The following KIT variants were observed in gnomAD, a reference collection of about 807,000 sequenced individuals.
The protein encoded by KIT is mast/stem cell growth factor receptor Kit.
KIT carries 16 observed loss-of-function variants against 105.7 expected under a neutral mutation model. The ratio of observed to expected loss-of-function variants is 0.15; its 90% CI spans 0.10 to 0.23. The LOEUF (loss-of-function observed/expected upper bound fraction) is 0.23. Among genes scored for constraint, KIT ranks in the 10% least tolerant of loss-of-function variants. KIT has a pLI of 1.00. For synonymous variants in KIT, 438 were observed against 441.1 expected, an observed-to-expected ratio of 0.99 and a Z score of 0.09; for missense variants, 858 against 1,213.8, an observed-to-expected ratio of 0.71 and a Z score of 4.36.
chr4:54,707,033 G>C (rs964518784), intron 5 of KIT, 65 bp from the exon 6 acceptor site: 1 of 882,936 alleles, frequency 1.1e-6, no homozygotes, highest in Non-Finnish European at 1.8e-6. Flanking sequence ...CCAAGATGAG[G>C]TTCTGTTTTT....
intron 7 of KIT, among the ~76,000 whole-genome samples, chr4:54,718,312 G>A (rs990110776): frequency 4.6e-5 from 7 of 152,160 alleles, no homozygotes; most frequent in African/African-American, 1.7e-4. Flanking sequence ...TGTTGGCCAG[G>A]CTGGTCTTTC....
At position 54,723,642 on chromosome 4, in the gene KIT, A is replaced by C; in HGVS notation, c.1290A>C (p.Ala430=). ...TGAATGGCATGCTCCAATGTGTGGC[A>C]GCAGGATTCCCAGAGCCCACAATAG... ...RLVNGMLQCV[A]AGFPEPTIDW... Residue 430 remains alanine (A), a synonymous_variant, in exon 8 of 21, where the codon GCA becomes GCC. Coordinates refer to ENST00000288135, the MANE Select transcript of KIT (RefSeq NM_000222.3). 6.2e-7 allele frequency: 1 copy of C among 1,614,150 alleles called. No individual in the cohort carries two copies. Among genetic ancestry groups the C allele is most frequent in the Non-Finnish European group, 8.5e-7 (1 of 1,180,010 alleles).
chr4:54,722,909 T>C (rs1721985315), intron 7 of KIT, among the ~76,000 whole-genome samples: 1 of 146,844 alleles, frequency 6.8e-6, no homozygotes, highest in Non-Finnish European at 1.5e-5. Context: ...ATATTCACGT[T>C]CATAATATAC....
intron 4 of KIT, among the ~76,000 whole-genome samples, chr4:54,700,336 A>G (rs1410766583): frequency 2.6e-5 from 4 of 152,218 alleles, no homozygotes; most frequent in African/African-American, 4.8e-5. Flanking sequence ...GTCACTATTA[A>G]TAAAACTGTT....
At chr4:54,677,705 G>A (rs1447731690) in intron 1 of KIT, among the ~76,000 whole-genome samples, 1 of 152,174 alleles carries the variant, frequency 6.6e-6, no homozygotes, top group Non-Finnish European at 1.5e-5. Context: ...ACTTTGGCCT[G>A]GTTGAAGCCA....
rs764497394 is a variant in KIT at position 54,695,361 on chromosome 4, A to G, written c.68-151A>G. ...TATAGATGAACTTAAGACATTTTAG[A>G]CAGAACTCTCTTTTCAGCCATAAAT... is the stretch of plus-strand genomic sequence containing the variant. On this transcript the variant is annotated intron_variant, in intron 1 of 20. Coordinates refer to ENST00000288135, the MANE Select transcript of KIT (RefSeq NM_000222.3). 2.8e-4 allele frequency: 222 copies of G among 801,126 alleles called. 3 individuals are homozygous for G. Among genetic ancestry groups the G allele is most frequent in the South Asian group, 3.9e-4 (26 of 66,300 alleles). 49.6% of individuals were successfully genotyped at this position (801,126 alleles called of 1,614,324 possible). A position where few individuals can be genotyped will look rare whatever the true frequency, so the allele number is the denominator to read the frequency against.
intron 8 of KIT, among the ~76,000 whole-genome samples, chr4:54,724,916 G>A (rs1011580405): frequency 5.3e-5 from 8 of 152,164 alleles, no homozygotes; most frequent in Non-Finnish European, 8.8e-5. Flanking sequence ...AACAATGAAT[G>A]TATGTAGGTG....
rs764257194 is a variant in KIT at position 54,732,017 on chromosome 4, C to G, written c.2361+19C>G. ...CAAGAATGTAAGTGGGAGTGATTCTCTAAAGAGTTTTGTGTTTTGTTTTTT... is the reference window on the plus strand; with the variant it reads ...CAAGAATGTAAGTGGGAGTGATTCTGTAAAGAGTTTTGTGTTTTGTTTTTT... On this transcript the variant is annotated intron_variant, in intron 16 of 20. Transcript: ENST00000288135. 13 of 1,523,178 alleles carry G rather than the reference C, an allele frequency of 8.5e-6. No homozygotes were observed. In the South Asian group the frequency reaches 1.4e-4, roughly 16 times the overall value. The allele number at this position is 1,523,178 out of a possible 1,614,324, so 94.4% of individuals were successfully genotyped here.
At chr4:54,669,879 G>A (rs1251185795) in intron 1 of KIT, among the ~76,000 whole-genome samples, 1 of 152,166 alleles carries the variant, frequency 6.6e-6, no homozygotes, top group Non-Finnish European at 1.5e-5. Context: ...AAAGCAACTA[G>A]AACAATAGGA....
intron 17 of KIT, among the ~76,000 whole-genome samples, chr4:54,734,190 G>A (rs1722778025): frequency 6.6e-6 from 1 of 152,184 alleles, no homozygotes; most frequent in Non-Finnish European, 1.5e-5. Flanking sequence ...AGAATGATAA[G>A]TCGTTAATTA....
At chr4:54,735,814 T>C (rs1022612785) in intron 17 of KIT, among the ~76,000 whole-genome samples, 1 of 152,160 alleles carries the variant, frequency 6.6e-6, no homozygotes, top group Non-Finnish European at 1.5e-5. Flanking sequence ...GAGTAGACTT[T>C]ATACCAGGAT....
chr4:54,726,530 GACTA>G (rs1174775219), intron 9 of KIT, among the ~76,000 whole-genome samples: 1 of 152,194 alleles, frequency 6.6e-6, no homozygotes, highest in Non-Finnish European at 1.5e-5. Context: ...ATTCATGTGT[GACTA>G]ACTCTCTTAA....
intron 1 of KIT, among the ~76,000 whole-genome samples, chr4:54,661,648 A>G (rs950820136): frequency 6.6e-6 from 1 of 152,162 alleles, no homozygotes; most frequent in Non-Finnish European, 1.5e-5. Flanking sequence ...TTAAAAGTTG[A>G]GATTGAATGA....
intron 7 of KIT, among the ~76,000 whole-genome samples, chr4:54,721,783 T>C (rs1721895218): frequency 6.6e-6 from 1 of 152,222 alleles, no homozygotes. Context: ...TCACTGCATA[T>C]ATTTTCCCTA....
At chr4:54,689,133 T>G (rs1259028571) in intron 1 of KIT, among the ~76,000 whole-genome samples, 1 of 152,262 alleles carries the variant, frequency 6.6e-6, no homozygotes, top group African/African-American at 2.4e-5. Context: ...TGCTAATGTT[T>G]GCCCACATTT....
intron 12 of KIT, 21 bp downstream of exon 12, chr4:54,727,948 G>T (rs779884073): frequency 3.7e-6 from 6 of 1,610,602 alleles, no homozygotes; most frequent in Non-Finnish European, 5.1e-6. Flanking sequence ...GTATGGTACT[G>T]CATGCGCTTG....
intron 1 of KIT, among the ~76,000 whole-genome samples, chr4:54,685,295 C>A (rs1008905439): frequency 1.3e-5 from 2 of 152,190 alleles, no homozygotes; most frequent in South Asian, 4.1e-4. Context: ...GTTTCCAGAA[C>A]CTTTTTGCTG....
chr4:54,712,078 G>T (rs1721196522), intron 7 of KIT, among the ~76,000 whole-genome samples: 1 of 152,032 alleles, frequency 6.6e-6, no homozygotes, highest in African/African-American at 2.4e-5. Flanking sequence ...TATGCATATT[G>T]TTCATACAGA....
At chr4:54,721,858 C>T (rs1302410793) in intron 7 of KIT, among the ~76,000 whole-genome samples, 1 of 152,154 alleles carries the variant, frequency 6.6e-6, no homozygotes, top group Non-Finnish European at 1.5e-5. Context: ...CCTTATCAGA[C>T]TATTCTAAAG....
Sources: allele counts gnomAD v4.1 joint callset (sites outside exome capture counted in the v4.1 genomes callset), GRCh38; gene constraint gnomAD v4.1.1; transcripts MANE v1.5; gene names NCBI Gene and HGNC (gene_info 2026-07-23, HGNC 2026-07-21).